FTCDNL1: variants seen among roughly 807,000 people sequenced by gnomAD.
FTCDNL1 encodes formiminotransferase N-terminal subdomain-containing protein.
FTCDNL1 carries 11 observed loss-of-function variants against 5.9 expected under a neutral mutation model. The observed-to-expected ratio is 1.87, with a 90% CI of 1.18 to 3.10. FTCDNL1 has a LOEUF of 3.10. Ranked by LOEUF, FTCDNL1 falls within the 30% of genes most tolerant of loss-of-function variation. The pLI is 0.00. For synonymous variants in FTCDNL1, 58 were observed against 24.8 expected, an observed-to-expected ratio of 2.34 and a Z score of -3.99; for missense variants, 115 against 65.5, an observed-to-expected ratio of 1.76 and a Z score of -2.61.
chr2:199,710,052 A>G, the FTCDNL1 span, among the ~76,000 whole-genome samples: 1 of 152,174 alleles, frequency 6.6e-6, no homozygotes, highest in South Asian at 2.1e-4. Flanking sequence ...GCCATCATTC[A>G]TAGACATATA....
chr2:199,803,179 G>A (rs1700546731), intron 3 of FTCDNL1, among the ~76,000 whole-genome samples: 1 of 126,200 alleles, frequency 7.9e-6, no homozygotes, highest in Non-Finnish European at 1.6e-5. Flanking sequence ...GGGTGATGGA[G>A]GAATACCGTC....
chr2:199,828,026 G>A (rs1375540060), intron 3 of FTCDNL1, among the ~76,000 whole-genome samples: 1 of 152,030 alleles, frequency 6.6e-6, no homozygotes, highest in African/African-American at 2.4e-5. Flanking sequence ...ATAATATTTA[G>A]CAATAAAGAC....
chr2:199,700,519 T>C, the FTCDNL1 span, among the ~76,000 whole-genome samples: 79 of 152,190 alleles, frequency 5.2e-4, no homozygotes, highest in Non-Finnish European at 9.0e-4. Context: ...GCCAACAACA[T>C]TTTTCACAGA....
At chr2:199,766,120 T>G (rs549283211) in intron 3 of FTCDNL1, among the ~76,000 whole-genome samples, 2 of 152,184 alleles carry the variant, frequency 1.3e-5, no homozygotes, top group South Asian at 4.1e-4. Context: ...TGTGAAAACC[T>G]CCTTAAAATG....
At chr2:199,686,213 A>G in the FTCDNL1 span, among the ~76,000 whole-genome samples, 1 of 66,010 alleles carries the variant, frequency 1.5e-5, no homozygotes, top group Non-Finnish European at 4.3e-5. Flanking sequence ...TGGTAGTCAC[A>G]TTTATTTTTG....
chr2:199,762,116 C>T (rs1369456974), intron 3 of FTCDNL1, among the ~76,000 whole-genome samples: 1 of 152,140 alleles, frequency 6.6e-6, no homozygotes, highest in African/African-American at 2.4e-5. Flanking sequence ...TGTGGTGGCT[C>T]ACGCCTATAA....
chr2:199,815,393 T>C (rs1454660309), intron 4 of FTCDNL1, among the ~76,000 whole-genome samples: 1 of 152,194 alleles, frequency 6.6e-6, no homozygotes. Context: ...GCAAATTAAT[T>C]TGTCCTGGAT....
intron 3 of FTCDNL1, among the ~76,000 whole-genome samples, chr2:199,770,404 A>T (rs1698752767): frequency 6.6e-6 from 1 of 152,226 alleles, no homozygotes; most frequent in African/African-American, 2.4e-5. Flanking sequence ...ATAGTCAGTG[A>T]GTGGCACATC....
At chr2:199,701,166 A>T in the FTCDNL1 span, among the ~76,000 whole-genome samples, 1 of 152,118 alleles carries the variant, frequency 6.6e-6, no homozygotes, top group South Asian at 2.1e-4. Context: ...TGTTAAACTC[A>T]TGTATAGGAA....
At chr2:199,709,381 C>A in the FTCDNL1 span, among the ~76,000 whole-genome samples, 1 of 152,090 alleles carries the variant, frequency 6.6e-6, no homozygotes, top group East Asian at 1.9e-4. Flanking sequence ...CCAATAACAG[C>A]CCCCCTCATT....
At chr2:199,755,667 G>A (rs544224423), downstream of FTCDNL1, among the ~76,000 whole-genome samples, 164 of 152,186 alleles carry the variant, frequency 1.1e-3, no homozygotes, top group Non-Finnish European at 1.9e-3. Flanking sequence ...CATCGTTACG[G>A]TCATTCCAGG....
intron 3 of FTCDNL1, among the ~76,000 whole-genome samples, chr2:199,768,574 GTTT>G (rs35383132): frequency 2.0e-5 from 3 of 149,706 alleles, no homozygotes; most frequent in Non-Finnish European, 4.4e-5. Context: ...GTTGAGATTA[GTTT>G]TTTTTTTTAA....
intron 4 of FTCDNL1, among the ~76,000 whole-genome samples, chr2:199,814,295 G>A (rs992573399): frequency 1.3e-5 from 2 of 152,194 alleles, no homozygotes; most frequent in Admixed American, 6.5e-5. Context: ...TTGTCTCCGT[G>A]TGGCTGAATC....
chr2:199,810,122 G>GC lies in FTCDNL1; in HGVS notation c.*2582dup, dbSNP rs1700953457. Among the ~76,000 whole-genome samples the GC allele has an allele frequency of 6.6e-6, 1 of 151,984 alleles. No homozygotes were observed. Among genetic ancestry groups the GC allele is most frequent in the Non-Finnish European group, 1.5e-5 (1 of 68,006 alleles). On this transcript the variant is annotated 3_prime_UTR_variant, in exon 5 of 5. Transcript: ENST00000420128. ...GGTTAAGAGCTAAGCGTCATCAGCA[G>GC]CAACAGGCCTTAGACCTTCATTCAT...
chr2:199,672,225 T>C, the FTCDNL1 span, among the ~76,000 whole-genome samples: 1 of 152,224 alleles, frequency 6.6e-6, no homozygotes, highest in African/African-American at 2.4e-5. Flanking sequence ...TTGGTAGCTC[T>C]GAAAGGCTGC....
intron 3 of FTCDNL1, among the ~76,000 whole-genome samples, chr2:199,824,200 G>A (rs1701879240): frequency 6.6e-6 from 1 of 152,172 alleles, no homozygotes; most frequent in African/African-American, 2.4e-5. Context: ...GCTTTACCTT[G>A]CACTTTTATG....
intron 3 of FTCDNL1, among the ~76,000 whole-genome samples, chr2:199,822,420 T>A (rs754088527): frequency 5.9e-5 from 9 of 152,016 alleles, no homozygotes; most frequent in Admixed American, 2.0e-4. Flanking sequence ...AACCAAAAAC[T>A]TTTTTGCTAA....
At chr2:199,839,258 G>A (rs1219640050) in intron 3 of FTCDNL1, among the ~76,000 whole-genome samples, 5 of 152,090 alleles carry the variant, frequency 3.3e-5, no homozygotes, top group Non-Finnish European at 5.9e-5. Context: ...TTAATGATAC[G>A]TTCATGAAAT....
chr2:199,798,799 T>C (rs1430990054), intron 3 of FTCDNL1, among the ~76,000 whole-genome samples: 1 of 152,200 alleles, frequency 6.6e-6, no homozygotes, highest in Non-Finnish European at 1.5e-5. Flanking sequence ...ACTGTTGCCC[T>C]CAACCATACA....
Sources: gnomAD v4.1 joint callset for allele counts (sites outside exome capture counted in the v4.1 genomes callset) on GRCh38, gnomAD v4.1.1 for gene constraint, MANE v1.5 for transcripts, NCBI Gene and HGNC (gene_info 2026-07-23, HGNC 2026-07-21) for gene names.